C1GALT1: variants seen among roughly 807,000 people sequenced by gnomAD.
C1GALT1 encodes glycoprotein-N-acetylgalactosamine 3-beta-galactosyltransferase 1.
In C1GALT1, 11 loss-of-function variants were observed where a neutral mutation model predicts 31.0. The observed-to-expected ratio is 0.36, with a 90% CI of 0.22 to 0.59. The LOEUF (loss-of-function observed/expected upper bound fraction) is 0.59, where lower values mean the gene tolerates loss of function less well. Ranked by LOEUF, C1GALT1 falls within the 20% of genes least tolerant of loss-of-function variation. C1GALT1 has a pLI of 0.79. For missense variants in C1GALT1, 424 were observed against 425.2 expected, an observed-to-expected ratio of 1.00 and a Z score of 0.03; for synonymous variants, 175 against 143.6, an observed-to-expected ratio of 1.22 and a Z score of -1.56.
intron 2 of C1GALT1, among the ~76,000 whole-genome samples, chr7:7,160,155 A>C (rs777781224): frequency 2.6e-5 from 4 of 151,944 alleles, no homozygotes; most frequent in African/African-American, 4.8e-5. Context: ...GTACCTTTCC[A>C]CATTTTATAT....
At chr7:7,158,229 G>C (rs1251861951) in intron 2 of C1GALT1, among the ~76,000 whole-genome samples, 1 of 152,176 alleles carries the variant, frequency 6.6e-6, no homozygotes, top group African/African-American at 2.4e-5. Context: ...TGGGAGGTTA[G>C]GGTGGGGTTA....
intron 1 of C1GALT1, among the ~76,000 whole-genome samples, chr7:7,230,620 C>A (rs1037753060): frequency 1.9e-5 from 2 of 103,426 alleles, no homozygotes; most frequent in Non-Finnish European, 3.7e-5. Context: ...ATTCTATATT[C>A]CCTTTTTTTT....
chr7:7,186,312 C>G (rs1780814506), intron 1 of C1GALT1, among the ~76,000 whole-genome samples: 1 of 152,190 alleles, frequency 6.6e-6, no homozygotes, highest in Non-Finnish European at 1.5e-5. Flanking sequence ...GACAAACATT[C>G]AGACCACAGC....
chr7:7,200,669 A>G (rs546483677), intron 1 of C1GALT1, among the ~76,000 whole-genome samples: 2 of 152,270 alleles, frequency 1.3e-5, no homozygotes, highest in East Asian at 3.9e-4. Context: ...ACATGGTCCC[A>G]TATTTCTTGG....
At chr7:7,185,453 C>G (rs1334067685) in intron 1 of C1GALT1, among the ~76,000 whole-genome samples, 3 of 152,146 alleles carry the variant, frequency 2.0e-5, no homozygotes, top group Non-Finnish European at 4.4e-5. Flanking sequence ...GTTCTGGAGG[C>G]AAGATGTCTG....
At chr7:7,186,232 C>T (rs1038981316) in intron 1 of C1GALT1, among the ~76,000 whole-genome samples, 1 of 152,176 alleles carries the variant, frequency 6.6e-6, no homozygotes, top group Non-Finnish European at 1.5e-5. Context: ...AGTACCCAGT[C>T]ACCATTTAAA....
upstream of C1GALT1, among the ~76,000 whole-genome samples, chr7:7,182,361 G>A (rs1341626230): frequency 6.6e-6 from 1 of 152,200 alleles, no homozygotes; most frequent in South Asian, 2.1e-4. Flanking sequence ...GACACAAGCC[G>A]CAAGGGGGAT....
upstream of C1GALT1, among the ~76,000 whole-genome samples, chr7:7,179,095 C>T (rs562170347): frequency 1.3e-5 from 2 of 152,170 alleles, no homozygotes; most frequent in African/African-American, 4.8e-5. Context: ...TGGCTAGAAG[C>T]CTTAATTACT....
At chr7:7,165,217 C>T (rs1160762252) in intron 2 of C1GALT1, among the ~76,000 whole-genome samples, 1 of 152,082 alleles carries the variant, frequency 6.6e-6, no homozygotes, top group Non-Finnish European at 1.5e-5. Context: ...CCAGGTTGTG[C>T]CCACCCATCT....
chr7:7,193,231 A>G (rs11981957), intron 1 of C1GALT1, among the ~76,000 whole-genome samples: 14,378 of 152,144 alleles, frequency 0.095, 851 homozygotes, highest in East Asian at 0.16. Flanking sequence ...TGCCTAAGCC[A>G]ATGTCTAGAA....
chr7:7,235,296 G>A (rs1322945178), intron 2 of C1GALT1: 1 of 152,136 alleles, frequency 6.6e-6, no homozygotes, highest in Non-Finnish European at 1.5e-5. Flanking sequence ...GATGCAGAGG[G>A]TCCACTATTC....
At chr7:7,237,454 G>C (rs1384177852) in intron 2 of C1GALT1, among the ~76,000 whole-genome samples, 1 of 152,206 alleles carries the variant, frequency 6.6e-6, no homozygotes, top group African/African-American at 2.4e-5. Flanking sequence ...ATTTTGATTG[G>C]TTGGTTCTGA....
intron 1 of C1GALT1, among the ~76,000 whole-genome samples, chr7:7,209,229 T>C (rs1781885127): frequency 1.3e-5 from 2 of 152,272 alleles, no homozygotes; most frequent in South Asian, 2.1e-4. Context: ...AAACGTGACC[T>C]TCCATTATAA....
At chr7:7,169,929 T>G (rs1780435492) in intron 2 of C1GALT1, among the ~76,000 whole-genome samples, 1 of 152,198 alleles carries the variant, frequency 6.6e-6, no homozygotes, top group Non-Finnish European at 1.5e-5. Context: ...GAAGAATTGG[T>G]GTTAATTCTT....
At chr7:7,218,294 A>G (rs1481927082) in intron 1 of C1GALT1, among the ~76,000 whole-genome samples, 1 of 152,226 alleles carries the variant, frequency 6.6e-6, no homozygotes, top group African/African-American at 2.4e-5. Context: ...CAGAAATAAA[A>G]TGACAGAAAG....
chr7:7,226,762 G>T (rs1782778615), intron 1 of C1GALT1, among the ~76,000 whole-genome samples: 1 of 152,132 alleles, frequency 6.6e-6, no homozygotes, highest in African/African-American at 2.4e-5. Context: ...GAGGAGTTGT[G>T]ATTAAAAAGG....
intron 1 of C1GALT1, among the ~76,000 whole-genome samples, chr7:7,198,465 A>C (rs11771192): frequency 6.6e-6 from 1 of 151,986 alleles, no homozygotes; most frequent in African/African-American, 2.4e-5. Flanking sequence ...TCACATCCAT[A>C]TTCATCAGGG....
intron 1 of C1GALT1, among the ~76,000 whole-genome samples, chr7:7,194,159 C>G (rs545738088): frequency 6.6e-6 from 1 of 152,156 alleles, no homozygotes; most frequent in East Asian, 1.9e-4. Flanking sequence ...ATTTGATGCC[C>G]TTTATTTCCT....
At chr7:7,234,569 T>TA in intron 2 of C1GALT1, 30 bp downstream of exon 2, 1 of 1,523,456 alleles carries the variant, frequency 6.6e-7, no homozygotes, top group Non-Finnish European at 9.1e-7. Context: ...GCAGTAAACA[T>TA]AAGCAGTATT....
Sources: gnomAD v4.1 joint callset for allele counts (sites outside exome capture counted in the v4.1 genomes callset) on GRCh38, gnomAD v4.1.1 for gene constraint, MANE v1.5 for transcripts, NCBI Gene and HGNC (gene_info 2026-07-23, HGNC 2026-07-21) for gene names.